ZNF131: variants seen among roughly 807,000 people sequenced by gnomAD.
ZNF131 encodes zinc finger protein 131.
In ZNF131, 7 loss-of-function variants were observed where a neutral mutation model predicts 60.0. The observed-to-expected ratio is 0.12, with a 90% CI of 0.07 to 0.22. ZNF131 has a LOEUF of 0.22. Ranked by LOEUF, ZNF131 falls within the 10% of genes least tolerant of loss-of-function variation. The probability of loss-of-function intolerance (pLI) is 1.00; values close to 1 mark genes in which losing one functional copy is unlikely to be tolerated. For synonymous variants in ZNF131, 257 were observed against 253.2 expected (o/e 1.01, Z -0.14); for missense variants, 493 against 740.9 (o/e 0.67, Z 3.88).
At chr5:43,161,965 T>G (rs780020511) in intron 5 of ZNF131, 34 bp downstream of exon 5, 7 of 1,526,164 alleles carry the variant, frequency 4.6e-6, no homozygotes, top group Non-Finnish European at 6.1e-6. Context: ...AATTTTTTTT[T>G]CCCACATGCA....
chr5:43,164,927 A>G (rs1038815181), intron 5 of ZNF131, among the ~76,000 whole-genome samples: 3 of 151,912 alleles, frequency 2.0e-5, no homozygotes, highest in African/African-American at 4.8e-5. Context: ...TAGTTCCAAG[A>G]TAGTTGTTGT....
At chr5:43,159,055 T>G (rs1749312641) in intron 4 of ZNF131, among the ~76,000 whole-genome samples, 1 of 152,172 alleles carries the variant, frequency 6.6e-6, no homozygotes, top group South Asian at 2.1e-4. Flanking sequence ...CAGTTTTCCC[T>G]TCCCCTCAAG....
chr5:43,130,263 C>CAAAAAAAAAAAAAAAAAA (rs765959932), intron 3 of ZNF131, among the ~76,000 whole-genome samples: 713 of 33,046 alleles, frequency 0.022, 111 homozygotes, highest in Non-Finnish European at 0.028. Context: ...GACTCTGTCT[C>CAAAAAAAAAAAAAAAAAA]CAAAAAAAAA....
At chr5:43,169,473 G>A (rs1750723340) in intron 5 of ZNF131, among the ~76,000 whole-genome samples, 2 of 152,224 alleles carry the variant, frequency 1.3e-5, no homozygotes, top group African/African-American at 4.8e-5. Flanking sequence ...TTTTCAGGTA[G>A]CCATAGACGC....
At chr5:43,169,609 G>C (rs1240638025) in intron 5 of ZNF131, among the ~76,000 whole-genome samples, 3 of 152,078 alleles carry the variant, frequency 2.0e-5, no homozygotes, top group African/African-American at 7.2e-5. Context: ...TCTTCCTGTG[G>C]CTGCACAGTA....
intron 3 of ZNF131, among the ~76,000 whole-genome samples, chr5:43,131,156 C>T (rs985773201): frequency 2.0e-5 from 3 of 151,856 alleles, no homozygotes; most frequent in Admixed American, 6.6e-5. Flanking sequence ...TGAGCCACAG[C>T]GCCCGGCCTC....
chr5:43,171,821 T>C (rs1180045333), intron 5 of ZNF131, among the ~76,000 whole-genome samples: 1 of 152,106 alleles, frequency 6.6e-6, no homozygotes, highest in Non-Finnish European at 1.5e-5. Flanking sequence ...AGATTCGCAG[T>C]GTTGGCCAGG....
intron 4 of ZNF131, among the ~76,000 whole-genome samples, chr5:43,159,495 A>G (rs1749369063): frequency 6.6e-6 from 1 of 151,954 alleles, no homozygotes; most frequent in South Asian, 2.1e-4. Flanking sequence ...GTAGTTCAAG[A>G]CCACCCTGGC....
chr5:43,152,521 G>A (rs1748452817), intron 4 of ZNF131, among the ~76,000 whole-genome samples: 1 of 152,192 alleles, frequency 6.6e-6, no homozygotes, highest in Non-Finnish European at 1.5e-5. Context: ...GTTTAAAAAT[G>A]CTTATAGCCA....
intron 3 of ZNF131, among the ~76,000 whole-genome samples, chr5:43,136,375 T>C (rs1045179118): frequency 6.6e-6 from 1 of 151,956 alleles, no homozygotes; most frequent in African/African-American, 2.4e-5. Flanking sequence ...TTTTTTGTTT[T>C]ATGGAAACAG....
chr5:43,148,428 A>C (rs981036372), intron 4 of ZNF131, among the ~76,000 whole-genome samples: 1 of 152,262 alleles, frequency 6.6e-6, no homozygotes, highest in African/African-American at 2.4e-5. Context: ...CAACACAACT[A>C]CTTATGCCCT....
chr5:43,153,645 AAC>A (rs1004064536), intron 4 of ZNF131, among the ~76,000 whole-genome samples: 1 of 148,670 alleles, frequency 6.7e-6, no homozygotes, highest in African/African-American at 2.6e-5. Flanking sequence ...CCATCTCAAA[AAC>A]AAACAAACAA....
At chr5:43,163,784 C>A (rs1343310835) in intron 5 of ZNF131, among the ~76,000 whole-genome samples, 3 of 152,186 alleles carry the variant, frequency 2.0e-5, no homozygotes, top group Non-Finnish European at 4.4e-5. Flanking sequence ...ACAGTAAATA[C>A]AACATAGATA....
chr5:43,166,745 T>C (rs1750416048), intron 5 of ZNF131, among the ~76,000 whole-genome samples: 1 of 151,846 alleles, frequency 6.6e-6, no homozygotes, highest in Admixed American at 6.6e-5. Context: ...AACCTCTGCC[T>C]CCCGGGTTCA....
chr5:43,171,717 G>A lies in ZNF131; in HGVS notation c.1055-1601G>A, dbSNP rs139323925. 1.8e-3 allele frequency among the ~76,000 whole-genome samples: 277 copies of A among 152,196 alleles called. 1 individual carries two copies. Among genetic ancestry groups the A allele is most frequent in the African/African-American group, 6.3e-3 (263 of 41,524 alleles). ...AGCCTACTGCAACTTCTGCCTCACC[G>A]GTTCAAGCAGTTCTGTCTCAGCCTC... On this transcript the variant is annotated intron_variant, in intron 5 of 6. Coordinates refer to ENST00000682664, the MANE Select transcript of ZNF131 (RefSeq NM_001330707.2).
At position 43,161,585 on chromosome 5, in the gene ZNF131, A is replaced by C. The variant is rs533081533; in HGVS notation, c.708A>C (p.Pro236=). The C allele has an allele frequency of 6.2e-7, 1 of 1,614,144 alleles. No individual in the cohort carries two copies. The highest frequency in any genetic ancestry group is 8.5e-7 in the Non-Finnish European group (1 of 1,180,054). Reference sequence around the variant, plus strand: ...GGCAGATTAAAGAAGATGGCTGTCCATCTGACCCCACGAGCAAACAGGTAG... The same window carrying C: ...GGCAGATTAAAGAAGATGGCTGTCCCTCTGACCCCACGAGCAAACAGGTAG... The part of the protein sequence containing the change: ...RKGQIKEDGC[P]SDPTSKQVEG... Residue 236 remains proline, a synonymous_variant, in exon 5 of 7, where the codon CCA becomes CCC. Transcript: ENST00000682664.
At chr5:43,140,005 C>T (rs190528564) in intron 4 of ZNF131, among the ~76,000 whole-genome samples, 176 of 152,200 alleles carry the variant, frequency 1.2e-3, no homozygotes, top group Middle Eastern at 6.8e-3. Context: ...AGCTTATGCC[C>T]AGGAGTTCAC....
intron 5 of ZNF131, among the ~76,000 whole-genome samples, chr5:43,172,310 G>T (rs1470476762): frequency 1.3e-5 from 2 of 152,098 alleles, no homozygotes; most frequent in Admixed American, 6.6e-5. Context: ...CCTGCCTGGA[G>T]GTTTTTACTA....
At chr5:43,157,164 T>G (rs1749065610) in intron 4 of ZNF131, among the ~76,000 whole-genome samples, 1 of 152,068 alleles carries the variant, frequency 6.6e-6, no homozygotes, top group Non-Finnish European at 1.5e-5. Flanking sequence ...CAAGACTGAC[T>G]GCAAAAAAAA....
Sources: allele counts gnomAD v4.1 joint callset (sites outside exome capture counted in the v4.1 genomes callset), GRCh38; gene constraint gnomAD v4.1.1; transcripts MANE v1.5; gene names NCBI Gene and HGNC (gene_info 2026-07-23, HGNC 2026-07-21).